Variants in SDK2 observed in about 807,000 individuals in gnomAD.
SDK2 encodes the protein sidekick cell adhesion molecule 2, also known as protein sidekick-2.
Under a neutral mutation model 253.9 loss-of-function variants are expected in SDK2, and 105 were observed. That is an observed-to-expected ratio of 0.41 (90% confidence interval 0.35 to 0.49). The LOEUF (loss-of-function observed/expected upper bound fraction) is 0.49. Among genes scored for constraint, SDK2 ranks in the 20% least tolerant of loss-of-function variants. The pLI, the probability that SDK2 is intolerant of heterozygous loss-of-function variation, is 0.06. For synonymous variants in SDK2, 1,249 were observed against 1,234.9 expected (o/e 1.01, Z -0.24); for missense variants, 2,608 against 3,003.0 (o/e 0.87, Z 3.07).
At position 73,368,470 on chromosome 17, in the gene SDK2, C is replaced by G; in HGVS notation, c.5104G>C (p.Ala1702Pro). The part of the protein sequence containing the change: ...GYTAYMVSVA[A>P]FNAAGDGPRS... Reference sequence around the variant, plus strand: ...GGCCCATCCCCAGCGGCGTTGAAGGCGGCCACGCTGACCATGTAGGCCGTG... The same window carrying G: ...GGCCCATCCCCAGCGGCGTTGAAGGGGGCCACGCTGACCATGTAGGCCGTG... The change falls in exon 37 of 45, where the codon GCC (alanine) becomes CCC (proline). Residue 1702 changes from alanine (A) to proline (P), a missense_variant. Ala to Pro is a conservative substitution (Grantham distance 27). Coordinates refer to ENST00000392650, the MANE Select transcript of SDK2 (RefSeq NM_001144952.2). The G allele has an allele frequency of 3.1e-6, 5 of 1,608,198 alleles. No individual in the cohort carries two copies. Among genetic ancestry groups the G allele is most frequent in the Non-Finnish European group, 4.2e-6 (5 of 1,177,664 alleles).
rs1029660323 is a variant in SDK2 at position 73,366,369 on chromosome 17, T to C, written c.5168-974A>G. ...GGAGGCGGACGGACAGACTTGTATATTCAGCAGCTCACGCTCATTCTGGCC... is the reference window on the plus strand; with the variant it reads ...GGAGGCGGACGGACAGACTTGTATACTCAGCAGCTCACGCTCATTCTGGCC... On this transcript the variant is annotated intron_variant, in intron 37 of 44. Transcript: ENST00000392650. Among the ~76,000 whole-genome samples the C allele has an allele frequency of 3.9e-5, 6 of 152,212 alleles. No individual in the cohort carries two copies. In the East Asian group the frequency reaches 9.7e-4, roughly 25 times the overall value.
intron 1 of SDK2, among the ~76,000 whole-genome samples, chr17:73,595,591 G>A (rs2045746054): frequency 1.3e-5 from 2 of 152,210 alleles, no homozygotes; most frequent in African/African-American, 2.4e-5. Context: ...GAGGTATGGA[G>A]TCACCAGAAA....
At chr17:73,428,344 G>A (rs1177748156) in intron 12 of SDK2, among the ~76,000 whole-genome samples, 2 of 152,142 alleles carry the variant, frequency 1.3e-5, no homozygotes, top group Admixed American at 6.5e-5. Context: ...GATTATGGGC[G>A]TGAGGCACGG....
Position 73,393,663 on chromosome 17 carries a change from G to T in SDK2, c.3795C>A (p.Gly1265=). The T allele has an allele frequency of 6.2e-7, 1 of 1,600,942 alleles. No individual in the cohort carries two copies. The highest frequency in any genetic ancestry group is 8.5e-7 in the Non-Finnish European group (1 of 1,170,124). The change falls in exon 27 of 45, where the codon GGC becomes GGA. Residue 1265 remains glycine (G), a synonymous_variant. Coordinates refer to ENST00000392650, the MANE Select transcript of SDK2 (RefSeq NM_001144952.2). ...GNSSRSAQLT[G]LGKYVLYEVQ... ...CTTCATAGAGCACGTATTTGCCCAAGCCGGTGAGCTGGGCACTGCGAGACG... is the reference window on the plus strand; with the variant it reads ...CTTCATAGAGCACGTATTTGCCCAATCCGGTGAGCTGGGCACTGCGAGACG...
chr17:73,595,236 G>A (rs1457708471), intron 1 of SDK2, among the ~76,000 whole-genome samples: 1 of 152,160 alleles, frequency 6.6e-6, no homozygotes, highest in East Asian at 1.9e-4. Flanking sequence ...GGAAAGGGAG[G>A]TCTGAGAGAT....
intron 1 of SDK2, among the ~76,000 whole-genome samples, chr17:73,581,297 C>T (rs2045531047): frequency 6.6e-6 from 1 of 152,204 alleles, no homozygotes; most frequent in African/African-American, 2.4e-5. Flanking sequence ...GCCCTGCAAA[C>T]TAGGTAGCCA....
In SDK2 at chr17:73,643,957, T is replaced by TCCCCCCCCCCCCA; in HGVS notation, c.64+67_64+68insTGGGGGGGGGGGG. Reference sequence around the variant, plus strand: ...GGAGGTCACCGTGAGGCCGGCCAGCTCCCGCCGCCCCTCCCCCGCCCACTC... The same window carrying TCCCCCCCCCCCCA: ...GGAGGTCACCGTGAGGCCGGCCAGCTCCCCCCCCCCCCACCCGCCGCCCCTCCCCCGCCCACTC... On this transcript the variant is annotated intron_variant, in intron 1 of 44. Transcript: ENST00000392650. The surrounding 1 kb of genome is among the most constrained non-coding windows in gnomAD (Gnocchi z 6.9). 1 of 1,020,000 alleles carries TCCCCCCCCCCCCA rather than the reference T, an allele frequency of 9.8e-7. No individual in the cohort carries two copies. Among genetic ancestry groups the TCCCCCCCCCCCCA allele is most frequent in the Non-Finnish European group, 1.5e-6 (1 of 674,884 alleles). The allele number at this position is 1,020,000 out of a possible 1,614,324, so 63.2% of individuals were successfully genotyped here.
chr17:73,476,912 C>T lies in SDK2; in HGVS notation c.225-4694G>A, dbSNP rs972922469. ...GCAGGTAATCCCTGCCCCAGCAGTG[C>T]GGGTACAACCTCTCTCCCGCTCCTC... On this transcript the variant is annotated intron_variant, in intron 2 of 44. Coordinates refer to ENST00000392650, the MANE Select transcript of SDK2 (RefSeq NM_001144952.2). Among the ~76,000 whole-genome samples the T allele has an allele frequency of 6.6e-5, 10 of 152,328 alleles. No individual in the cohort carries two copies. The East Asian group carries it at 1.4e-3, about 21-fold the overall frequency.
At chr17:73,358,659 G>C (rs1364537945) in intron 39 of SDK2, among the ~76,000 whole-genome samples, 1 of 152,116 alleles carries the variant, frequency 6.6e-6, no homozygotes, top group Non-Finnish European at 1.5e-5. Context: ...CCCATGAGAG[G>C]AGGGGGTTGG....
intron 2 of SDK2, among the ~76,000 whole-genome samples, chr17:73,498,543 G>A (rs1409739915): frequency 6.6e-6 from 1 of 152,192 alleles, no homozygotes; most frequent in Non-Finnish European, 1.5e-5. Flanking sequence ...AACAAATGCT[G>A]GCATCTCCTG....
At chr17:73,488,033 T>C (rs1043592070) in intron 2 of SDK2, among the ~76,000 whole-genome samples, 9 of 151,910 alleles carry the variant, frequency 5.9e-5, no homozygotes, top group Non-Finnish European at 7.4e-5. Flanking sequence ...CCTTTTTTTT[T>C]GAGACGGAGC....
At chr17:73,367,924 G>C (rs1203726573) in intron 37 of SDK2, among the ~76,000 whole-genome samples, 1 of 152,194 alleles carries the variant, frequency 6.6e-6, no homozygotes, top group African/African-American at 2.4e-5. Context: ...ACCCCCGTCT[G>C]CATTTACTTC....
chr17:73,435,754 G>T lies in SDK2; in HGVS notation c.1001-110C>A. ...GGAAATCTGCGAGGGGGTCCCTGGT[G>T]AATCTTGGTGTCTAGAACCTTCTCA... is the stretch of plus-strand genomic sequence containing the variant. On this transcript the variant is annotated intron_variant, in intron 8 of 44. Transcript: ENST00000392650. The surrounding 1 kb of genome is among the most constrained non-coding windows in gnomAD (Gnocchi z 5.7). The T allele has an allele frequency of 1.0e-6, 1 of 979,436 alleles. No individual in the cohort carries two copies. Among genetic ancestry groups the T allele is most frequent in the Non-Finnish European group, 1.5e-6 (1 of 675,754 alleles). 60.7% of individuals were successfully genotyped at this position (979,436 alleles called of 1,614,324 possible).
At position 73,534,920 on chromosome 17, in the gene SDK2, C is replaced by T. The variant is rs2044748423; in HGVS notation, c.65-27323G>A. ...TCGGCCGATCAGCCCGCTACTGGGT[C>T]TAAGGAACCCAGGAGGAGGGAGGCA... On this transcript the variant is annotated intron_variant, in intron 1 of 44. Transcript: ENST00000392650. The surrounding 1 kb of genome is among the most constrained non-coding windows in gnomAD (Gnocchi z 4.9). Among the ~76,000 whole-genome samples, 1 of 152,176 alleles carries T rather than the reference C, an allele frequency of 6.6e-6. No homozygotes were observed. The highest frequency in any genetic ancestry group is 6.5e-5 in the Admixed American group (1 of 15,284).
chr17:73,497,861 C>T (rs1192757456), intron 2 of SDK2, among the ~76,000 whole-genome samples: 4 of 152,162 alleles, frequency 2.6e-5, no homozygotes, highest in Non-Finnish European at 4.4e-5. Flanking sequence ...GCTAAACGCC[C>T]CTACTTGATC....
chr17:73,358,823 G>A (rs1240457750), intron 39 of SDK2, among the ~76,000 whole-genome samples: 1 of 152,120 alleles, frequency 6.6e-6, no homozygotes, highest in Non-Finnish European at 1.5e-5. Flanking sequence ...AGGCCTTGGG[G>A]CCTGTGCTGC....
At chr17:73,470,991 C>T (rs1001480253) in intron 3 of SDK2, among the ~76,000 whole-genome samples, 19 of 152,040 alleles carry the variant, frequency 1.2e-4, no homozygotes, top group African/African-American at 4.1e-4. Flanking sequence ...GGAAGAGTGT[C>T]GGTTGGTACT....
At chr17:73,421,502 CT>C (rs1156537900) in intron 15 of SDK2, among the ~76,000 whole-genome samples, 1 of 151,494 alleles carries the variant, frequency 6.6e-6, no homozygotes, top group Non-Finnish European at 1.5e-5. Context: ...TAGAATTCTC[CT>C]TCTACATAGA....
chr17:73,498,344 G>A (rs2063860051), intron 2 of SDK2, among the ~76,000 whole-genome samples: 1 of 152,138 alleles, frequency 6.6e-6, no homozygotes, highest in South Asian at 2.1e-4. Context: ...ACGCTCACTT[G>A]GCCTCAGTCC....
Sources: allele counts gnomAD v4.1 joint callset (sites outside exome capture counted in the v4.1 genomes callset), GRCh38; gene constraint gnomAD v4.1.1; non-coding constraint Gnocchi (gnomAD v3.1); transcripts MANE v1.5; gene names NCBI Gene and HGNC (gene_info 2026-07-23, HGNC 2026-07-21).